The following PSD3 variants were observed in gnomAD, a reference collection of about 807,000 sequenced individuals.
PSD3 encodes the protein pleckstrin and Sec7 domain containing 3, also known as PH and SEC7 domain-containing protein 3.
Under a neutral mutation model 105.5 loss-of-function variants are expected in PSD3, and 49 were observed. The observed-to-expected ratio is 0.46, with a 90% CI of 0.37 to 0.59. The LOEUF (loss-of-function observed/expected upper bound fraction) is 0.59, where lower values mean the gene tolerates loss of function less well. PSD3 is among the 20% of genes least tolerant of loss of function. The pLI is 0.00. For synonymous variants in PSD3, 557 were observed against 457.8 expected, an observed-to-expected ratio of 1.22 and a Z score of -2.77; for missense variants, 1,561 against 1,263.8, an observed-to-expected ratio of 1.24 and a Z score of -3.57.
chr8:18,965,239 G>T (rs769904154), intron 1 of PSD3, among the ~76,000 whole-genome samples: 3 of 152,130 alleles, frequency 2.0e-5, no homozygotes, highest in Non-Finnish European at 1.5e-5. Context: ...CAGAAATAAT[G>T]TCCTTCTGAA....
chr8:19,065,800 C>G (rs79491436), intron 1 of PSD3, among the ~76,000 whole-genome samples: 2,425 of 152,204 alleles, frequency 0.016, 78 homozygotes, highest in African/African-American at 0.056. Context: ...GATTAAAACA[C>G]TGGTCACTGA....
At chr8:19,047,483 G>A (rs1045512884) in intron 1 of PSD3, among the ~76,000 whole-genome samples, 4 of 152,080 alleles carry the variant, frequency 2.6e-5, no homozygotes, top group Non-Finnish European at 5.9e-5. Context: ...TTCTTTCTAG[G>A]ATGCAAACCT....
At chr8:18,600,280 G>A (rs1266652266) in intron 12 of PSD3, 84 bp downstream of exon 12, 2 of 1,211,662 alleles carry the variant, frequency 1.7e-6, no homozygotes, top group Non-Finnish European at 2.4e-6. Context: ...CCACAGATAA[G>A]GGAGACTACC....
At position 18,935,861 on chromosome 8, in the gene PSD3, A is replaced by C. The variant is rs17384265; in HGVS notation, c.130+173T>G. Among the ~76,000 whole-genome samples, 45,871 of 152,154 alleles carry C rather than the reference A, an allele frequency of 0.3. 8,758 individuals carry two copies. The highest frequency in any genetic ancestry group is 0.43 in the Non-Finnish European group (29,315 of 67,964). On this transcript the variant is annotated intron_variant, in intron 2 of 15. Transcript: ENST00000327040. The stretch of plus-strand genomic sequence containing the variant: ...AAATTACCAAGAATAGGCCACAAGA[A>C]TTACATGAAATATTTGCGGATTCTA...
intron 1 of PSD3, among the ~76,000 whole-genome samples, chr8:18,970,726 G>T (rs1055666150): frequency 2.6e-5 from 4 of 152,200 alleles, no homozygotes; most frequent in African/African-American, 9.6e-5. Flanking sequence ...AGGTGAAGGT[G>T]GGAGGAACAT....
At chr8:18,551,613 T>C (rs1160551162) in intron 15 of PSD3, among the ~76,000 whole-genome samples, 1 of 152,196 alleles carries the variant, frequency 6.6e-6, no homozygotes, top group African/African-American at 2.4e-5. Flanking sequence ...GCCATGTGGT[T>C]GGTGTGGGCT....
At chr8:18,942,717 C>T (rs1231517163) in intron 1 of PSD3, among the ~76,000 whole-genome samples, 1 of 152,140 alleles carries the variant, frequency 6.6e-6, no homozygotes, top group Admixed American at 6.5e-5. Context: ...AGAGAGGCCT[C>T]AGAAGAAAGC....
At chr8:19,078,402 A>G (rs938681685) in intron 1 of PSD3, among the ~76,000 whole-genome samples, 1 of 152,182 alleles carries the variant, frequency 6.6e-6, no homozygotes, top group Non-Finnish European at 1.5e-5. Context: ...TATTAATTAT[A>G]CAGTAATGTA....
At chr8:19,004,327 C>A (rs1342554285) in intron 1 of PSD3, among the ~76,000 whole-genome samples, 1 of 152,002 alleles carries the variant, frequency 6.6e-6, no homozygotes, top group Non-Finnish European at 1.5e-5. Context: ...CTTCTTCCAA[C>A]CAGATATTTA....
chr8:18,941,202 A>G (rs542038499), intron 1 of PSD3, among the ~76,000 whole-genome samples: 5 of 152,322 alleles, frequency 3.3e-5, no homozygotes, highest in African/African-American at 1.2e-4. Context: ...AATCTCCTTA[A>G]GAAGTATGGA....
At position 18,600,226 on chromosome 8, in the gene PSD3, C is replaced by A. The variant is rs545067053; in HGVS notation, c.2481+138G>T. On this transcript the variant is annotated intron_variant, in intron 12 of 15. Transcript: ENST00000327040. ...AATCGTTTATTTCTGGAATTCTCCG[C>A]TGAAAATTTTTTAACATCAGCAAAC... The A allele has an allele frequency of 7.7e-6, 6 of 780,824 alleles. No homozygotes were observed. In the African/African-American group the frequency reaches 9.0e-5, roughly 12 times the overall value. The allele number at this position is 780,824 out of a possible 1,614,324, so 48.4% of individuals were successfully genotyped here. A position where few individuals can be genotyped will look rare whatever the true frequency, so the allele number is the denominator to read the frequency against.
intron 9 of PSD3, among the ~76,000 whole-genome samples, chr8:18,710,025 G>T (rs544576799): frequency 2.0e-5 from 3 of 152,196 alleles, no homozygotes; most frequent in Non-Finnish European, 4.4e-5. Flanking sequence ...AGCTTCACAA[G>T]GTGGTAATAA....
chr8:18,683,668 G>A (rs571045933), intron 9 of PSD3: 16 of 666,444 alleles, frequency 2.4e-5, no homozygotes, highest in African/African-American at 5.3e-5. Flanking sequence ...TATACTCCTC[G>A]TTACTTTCTC....
rs144222687 is a variant in PSD3, at chr8:18,927,978, C to T, written c.130+8056G>A. Among the ~76,000 whole-genome samples the T allele has an allele frequency of 2.3e-3, 349 of 152,264 alleles. 1 individual carries two copies. Among genetic ancestry groups the T allele is most frequent in the African/African-American group, 7.9e-3 (328 of 41,550 alleles). On this transcript the variant is annotated intron_variant, in intron 2 of 15. Transcript: ENST00000327040. The stretch of plus-strand genomic sequence containing the variant: ...TTTAATGTAGAATTGCCATTCAACT[C>T]GGCAATTCTACTTCTAGCTGTATAC...
At chr8:18,820,171 CTT>C (rs11357749) in intron 4 of PSD3, among the ~76,000 whole-genome samples, 1,873 of 128,040 alleles carry the variant, frequency 0.015, 33 homozygotes, top group African/African-American at 0.046. Flanking sequence ...CATTTTTTTC[CTT>C]TTTTTTTTTT....
At chr8:18,661,564 A>G (rs1809350123) in intron 9 of PSD3, among the ~76,000 whole-genome samples, 1 of 152,218 alleles carries the variant, frequency 6.6e-6, no homozygotes, top group South Asian at 2.1e-4. Flanking sequence ...GAAAAACTGC[A>G]CTATCTCTCA....
chr8:18,919,856 G>C (rs1285224838), intron 2 of PSD3, among the ~76,000 whole-genome samples: 2 of 118,182 alleles, frequency 1.7e-5, no homozygotes, highest in Admixed American at 9.2e-5. Flanking sequence ...GTGGTGGGGT[G>C]GGGGGAGGGG....
Position 18,704,287 on chromosome 8 carries a change from C to T in PSD3, c.2173-48602G>A, listed in dbSNP as rs555364666. ...ATCTCCCTTTACTAGAGGACCAGTT[C>T]TAGCAAGATGAACTTACACAATGGG... is the stretch of plus-strand genomic sequence containing the variant. On this transcript the variant is annotated intron_variant, in intron 9 of 15. Transcript: ENST00000327040. 3.9e-5 allele frequency among the ~76,000 whole-genome samples: 6 copies of T among 152,300 alleles called. No individual in the cohort carries two copies. The East Asian group carries it at 7.7e-4, about 20-fold the overall frequency.
In PSD3 at chr8:19,021,467, C is replaced by T. The variant is rs996049219; in HGVS notation, c.324+62739G>A. Among the ~76,000 whole-genome samples the T allele has an allele frequency of 7.3e-5, 11 of 150,700 alleles. No individual in the cohort carries two copies. In the South Asian group the frequency reaches 8.4e-4, roughly 11 times the overall value. On this transcript the variant is annotated intron_variant, in intron 1 of 1. Transcript: ENST00000521475. ...AATTTTTTTTTTGCATAAATAATGA[C>T]GTCTGGAATTAACTAAAAAGACAGA...
Sources: allele counts gnomAD v4.1 joint callset (sites outside exome capture counted in the v4.1 genomes callset), GRCh38; gene constraint gnomAD v4.1.1; transcripts MANE v1.5; gene names NCBI Gene and HGNC (gene_info 2026-07-23, HGNC 2026-07-21).